NOMO1: variants seen among roughly 807,000 people sequenced by gnomAD.
The protein encoded by NOMO1 is NODAL modulator 1, also known as nodal modulator 3.
Under a neutral mutation model 133.8 loss-of-function variants are expected in NOMO1, and 40 were observed. The observed-to-expected ratio is 0.30, with a 90% CI of 0.23 to 0.39. The LOEUF (loss-of-function observed/expected upper bound fraction) is 0.39. NOMO1 is among the 10% of genes least tolerant of loss of function. NOMO1 has a pLI of 1.00. For missense variants in NOMO1, 462 were observed against 1,419.9 expected (o/e 0.33, Z 10.84); for synonymous variants, 236 against 570.5 (o/e 0.41, Z 8.36).
At chr16:14,878,306 C>T (rs1358497801) in intron 22 of NOMO1, among the ~76,000 whole-genome samples, 1 of 130,678 alleles carries the variant, frequency 7.7e-6, no homozygotes, top group Non-Finnish European at 1.6e-5. Context: ...TCAGCCTGGG[C>T]AACGTGGCAA....
At position 14,876,410 on chromosome 16, in the gene NOMO1, T is replaced by C. The variant is rs370178104; in HGVS notation, c.2408T>C (p.Leu803Ser). The C allele has an allele frequency of 6.2e-7, 1 of 1,611,240 alleles. No homozygotes were observed. The highest frequency in any genetic ancestry group is 8.5e-7 in the Non-Finnish European group (1 of 1,179,738). Residue 803 changes from leucine to serine, a missense_variant, in exon 21 of 31, where the codon TTA becomes TCA. Physicochemically the swap from Leu to Ser is moderately radical, Grantham distance 145 (BLOSUM62 -2). Coordinates refer to ENST00000287667, the MANE Select transcript of NOMO1 (RefSeq NM_014287.4). The part of the protein sequence containing the change: ...IEIHGKAGLF[L>S]EGQIHPELEG... ...ATCCATGGGAAGGCAGGCCTGTTTT[T>C]AGAAGGCCAGATCCACCCCGAGTTG...
At chr16:14,836,449 G>C (rs921421253) in intron 1 of NOMO1, among the ~76,000 whole-genome samples, 1 of 152,070 alleles carries the variant, frequency 6.6e-6, no homozygotes, top group Non-Finnish European at 1.5e-5. Context: ...TTTCATTGCA[G>C]CTCGTGTCAT....
Position 14,886,809 on chromosome 16 carries a change from T to C in NOMO1, c.3271T>C (p.Ser1091Pro). ...ENLDNPIQTVSLGQSLFFHFP... is the reference protein window; with the variant it reads ...ENLDNPIQTVPLGQSLFFHFP... ...CCTCGACAATCCAATCCAGACAGTT[T>C]CCCTTGGCCAGTCCCTGTTCTTCCA... Residue 1091 changes from serine (S) to proline (P), a missense_variant, in exon 28 of 31, where the codon TCC (serine) becomes CCC (proline). Physicochemically the swap from Ser to Pro is moderately conservative, Grantham distance 74. Transcript: ENST00000287667. The C allele has an allele frequency of 6.2e-7, 1 of 1,611,694 alleles. No homozygotes were observed. Among genetic ancestry groups the C allele is most frequent in the Non-Finnish European group, 8.5e-7 (1 of 1,179,812 alleles).
chr16:14,837,537 A>G (rs1422116411), intron 1 of NOMO1, among the ~76,000 whole-genome samples: 1 of 151,742 alleles, frequency 6.6e-6, no homozygotes, highest in Non-Finnish European at 1.5e-5. Flanking sequence ...AGTTTTAGAG[A>G]GTCCTTGAAG....
chr16:14,864,350 AC>A (rs1396839671), intron 12 of NOMO1, among the ~76,000 whole-genome samples: 2 of 151,866 alleles, frequency 1.3e-5, no homozygotes, highest in Admixed American at 6.6e-5. Context: ...GGCCAGATAG[AC>A]TTTTGTTCAT....
chr16:14,853,955 G>A lies in NOMO1; in HGVS notation c.892G>A (p.Glu298Lys). The A allele has an allele frequency of 1.2e-6, 2 of 1,610,192 alleles. No homozygotes were observed. The highest frequency in any genetic ancestry group is 2.2e-5 in the South Asian group (2 of 90,882). ...CTTCCAGATTCCGTTCTATCGAGGG[G>A]AGAGGATTACCTTTGATGTGGCGCC... The part of the protein sequence containing the change: ...GYTVIPFYRG[E>K]RITFDVAPSR... The change falls in exon 9 of 31, where the codon GAG becomes AAG. Residue 298 changes from glutamate (E) to lysine (K), a missense_variant. Physicochemically the swap from Glu to Lys is moderately conservative, Grantham distance 56 (BLOSUM62 1). Transcript: ENST00000287667.
Position 14,864,596 on chromosome 16 carries a change from T to C in NOMO1, c.1407T>C (p.Pro469=). The change falls in exon 13 of 31, where the codon CCT becomes CCC. Residue 469 remains proline, a synonymous_variant. Coordinates refer to ENST00000287667, the MANE Select transcript of NOMO1 (RefSeq NM_014287.4). ...PGTYKVQVMV[P]EAETRAGLTL... is the part of the protein sequence containing the mutation. Reference sequence around the variant, plus strand: ...CCACGTTTCCACAGGTGATGGTTCCTGAGGCAGAAACCAGAGCAGGGCTGA... The same window carrying C: ...CCACGTTTCCACAGGTGATGGTTCCCGAGGCAGAAACCAGAGCAGGGCTGA... 1 of 1,613,502 alleles carries C rather than the reference T, an allele frequency of 6.2e-7. No individual in the cohort carries two copies. The highest frequency in any genetic ancestry group is 8.5e-7 in the Non-Finnish European group (1 of 1,179,822).
At chr16:14,884,817 G>A (rs531629723) in intron 27 of NOMO1, among the ~76,000 whole-genome samples, 4 of 152,164 alleles carry the variant, frequency 2.6e-5, no homozygotes, top group African/African-American at 4.8e-5. Flanking sequence ...TAAAGAAAGC[G>A]CCTTGTAACT....
At chr16:14,846,814 A>G (rs896057206) in intron 5 of NOMO1, 131 bp downstream of exon 5, 3 of 1,565,066 alleles carry the variant, frequency 1.9e-6, no homozygotes, top group African/African-American at 2.7e-5. Context: ...GGGTGAGTTC[A>G]TGCCCGTCAG....
intron 6 of NOMO1, among the ~76,000 whole-genome samples, chr16:14,851,285 A>T (rs1246002174): frequency 6.6e-6 from 1 of 151,920 alleles, no homozygotes; most frequent in Non-Finnish European, 1.5e-5. Context: ...GACCGGAAGC[A>T]AGTGTGAGGG....
At chr16:14,856,349 A>G (rs1205763127) in intron 9 of NOMO1, among the ~76,000 whole-genome samples, 2 of 152,068 alleles carry the variant, frequency 1.3e-5, no homozygotes, top group Admixed American at 1.3e-4. Flanking sequence ...GGGCACAGAC[A>G]CAGACACAGA....
intron 28 of NOMO1, among the ~76,000 whole-genome samples, chr16:14,887,706 GAACAT>G (rs1040592295): frequency 3.9e-5 from 6 of 152,170 alleles, no homozygotes; most frequent in Non-Finnish European, 2.9e-5. Context: ...CTTGCACTTT[GAACAT>G]ATCACCCCAT....
At chr16:14,837,383 C>T (rs1300887475) in intron 1 of NOMO1, among the ~76,000 whole-genome samples, 1 of 152,114 alleles carries the variant, frequency 6.6e-6, no homozygotes, top group Non-Finnish European at 1.5e-5. Context: ...TGTACAACCA[C>T]ATGAAAAGGA....
intron 28 of NOMO1, chr16:14,888,621 C>T (rs958420150): frequency 5.8e-5 from 16 of 276,272 alleles, no homozygotes; most frequent in Non-Finnish European, 9.7e-5. Context: ...GTGCTCAGCA[C>T]ACAGAGCTGT....
At chr16:14,857,160 TG>T (rs1379796634) in intron 9 of NOMO1, 56 bp from the exon 10 acceptor site, 1 of 1,612,620 alleles carries the variant, frequency 6.2e-7, no homozygotes, top group Non-Finnish European at 8.5e-7. Context: ...AAGGAGTCTT[TG>T]TGGCTCTGGC....
At chr16:14,885,938 CCTTCAGT>C (rs1246936289) in intron 27 of NOMO1, among the ~76,000 whole-genome samples, 2 of 152,056 alleles carry the variant, frequency 1.3e-5, no homozygotes, top group African/African-American at 2.4e-5. Flanking sequence ...CGACCCATAA[CCTTCAGT>C]CTGTGACTTT....
chr16:14,874,547 C>T (rs1964126709), intron 18 of NOMO1, among the ~76,000 whole-genome samples: 1 of 152,054 alleles, frequency 6.6e-6, no homozygotes, highest in Non-Finnish European at 1.5e-5. Context: ...CTCCGTCTTC[C>T]CACACTGCTT....
intron 28 of NOMO1, among the ~76,000 whole-genome samples, chr16:14,887,297 CTT>C (rs926466954): frequency 2.1e-5 from 3 of 145,990 alleles, no homozygotes; most frequent in Admixed American, 6.8e-5. Context: ...TCAAATCTTT[CTT>C]TTTTTTTTTT....
chr16:14,857,642 A>G lies in NOMO1; in HGVS notation c.1207A>G (p.Ile403Val), dbSNP rs146124732. ...IAPNTPQLAD[I>V]IATGFSVCGQ... is the part of the protein sequence containing the mutation. The stretch of plus-strand genomic sequence containing the variant: ...ACCGAACACACCTCAGCTGGCTGAC[A>G]TTATTGCAACAGGGTAAGCTTATCG... The change falls in exon 11 of 31, where the codon ATT becomes GTT. Residue 403 changes from isoleucine (I) to valine (V), a missense_variant. Ile to Val is a conservative substitution (Grantham distance 29). Transcript: ENST00000287667. 1.9e-6 allele frequency: 3 copies of G among 1,613,728 alleles called. No individual in the cohort carries two copies. Among genetic ancestry groups the G allele is most frequent in the Non-Finnish European group, 2.5e-6 (3 of 1,179,852 alleles).
Sources: allele counts gnomAD v4.1 joint callset (sites outside exome capture counted in the v4.1 genomes callset), GRCh38; gene constraint gnomAD v4.1.1; transcripts MANE v1.5; gene names NCBI Gene and HGNC (gene_info 2026-07-23, HGNC 2026-07-21).